The following UBN1 variants were observed in gnomAD, a reference collection of about 807,000 sequenced individuals.
UBN1 encodes the protein ubinuclein 1.
Under a neutral mutation model 108.5 loss-of-function variants are expected in UBN1, and 17 were observed. The observed-to-expected ratio is 0.16, with a 90% CI of 0.11 to 0.24. UBN1 has a LOEUF of 0.24. Ranked by LOEUF, UBN1 falls within the 10% of genes least tolerant of loss-of-function variation. The pLI is 1.00. For missense variants in UBN1, 1,595 were observed against 1,394.4 expected, an observed-to-expected ratio of 1.14 and a Z score of -2.29; for synonymous variants, 726 against 564.2, an observed-to-expected ratio of 1.29 and a Z score of -4.07.
intron 7 of UBN1, among the ~76,000 whole-genome samples, chr16:4,862,314 A>G (rs2087105573): frequency 6.6e-6 from 1 of 152,232 alleles, no homozygotes; most frequent in Non-Finnish European, 1.5e-5. Flanking sequence ...ACCATATACA[A>G]AGCAAATAAA....
chr16:4,874,313 G>C lies in UBN1; in HGVS notation c.1903G>C (p.Gly635Arg). 6.2e-7 allele frequency: 1 copy of C among 1,614,104 alleles called. No individual in the cohort carries two copies. Among genetic ancestry groups the C allele is most frequent in the Non-Finnish European group, 8.5e-7 (1 of 1,180,036 alleles). The stretch of plus-strand genomic sequence containing the variant: ...TCACCAAACAGGAGGCCTGAGTATT[G>C]GGGCCTCGAGCAGGGAGCTCCCATC... ...SDHQTGGLSI[G>R]ASSRELPSQA... is the part of the protein sequence containing the mutation. Residue 635 changes from glycine to arginine, a missense_variant, in exon 15 of 18, where the codon GGG (glycine) becomes CGG (arginine). By Grantham distance (125) the Gly-to-Arg change is moderately radical. Around this residue, in one of 3 missense-constraint regions of UBN1, gnomAD observed 1,398 missense variants for 1,194.7 expected, o/e 1.17. Transcript: ENST00000262376.
intron 1 of UBN1, chr16:4,852,403 G>A (rs951144785): frequency 1.3e-5 from 2 of 154,736 alleles, no homozygotes; most frequent in Non-Finnish European, 2.9e-5. Flanking sequence ...TGAGTCACTG[G>A]TTCTTTACTA....
intron 1 of UBN1, among the ~76,000 whole-genome samples, chr16:4,850,966 T>C (rs182710174): frequency 6.3e-4 from 96 of 152,330 alleles, no homozygotes; most frequent in Non-Finnish European, 1.1e-3. Context: ...TATGAAACTT[T>C]ACAAAACAGT....
rs761729065 is a variant in UBN1 at position 4,868,923 on chromosome 16, CTG to C, written c.1181+22_1181+23del. On this transcript the variant is annotated intron_variant, in intron 8 of 17. Transcript: ENST00000262376. ...ATTAGAGTGAGTATCGTCTGTCTGT[CTG>C]TCTGTCTGTCTGTTTCTGCTATTAC... The C allele has an allele frequency of 9.2e-5, 149 of 1,612,330 alleles. No homozygotes were observed. The highest frequency in any genetic ancestry group is 9.3e-6 in the Non-Finnish European group (11 of 1,179,056).
At chr16:4,849,965 A>AAAAAAAAAAC (rs2086475092) in intron 1 of UBN1, among the ~76,000 whole-genome samples, 2 of 149,204 alleles carry the variant, frequency 1.3e-5, no homozygotes, top group South Asian at 2.1e-4. Context: ...AAAAAAAAAA[A>AAAAAAAAAAC]ACCACAAAAA....
At chr16:4,861,383 G>A (rs952996765) in intron 7 of UBN1, among the ~76,000 whole-genome samples, 2 of 152,138 alleles carry the variant, frequency 1.3e-5, no homozygotes, top group East Asian at 1.9e-4. Context: ...TTTTCCACAC[G>A]GCATCTTTTC....
Position 4,878,864 on chromosome 16 carries a change from TAGTC to T in UBN1, c.3356-1216_3356-1213del, listed in dbSNP as rs374869118. On this transcript the variant is annotated intron_variant, in intron 17 of 17. Transcript: ENST00000262376. ...TATCTCTACATTTAAAGAAAAAAAT[TAGTC>T]AGGTGTGGTGGCATGTGCCTGTAGT... Among the ~76,000 whole-genome samples, 64 of 152,152 alleles carry T rather than the reference TAGTC, an allele frequency of 4.2e-4. 1 individual carries two copies. The East Asian group carries it at 0.01, about 24-fold the overall frequency.
chr16:4,876,947 T>C lies in UBN1; in HGVS notation c.3101T>C (p.Leu1034Pro), dbSNP rs1473173093. The C allele has an allele frequency of 1.2e-6, 2 of 1,614,106 alleles. No individual in the cohort carries two copies. The highest frequency in any genetic ancestry group is 2.2e-5 in the South Asian group (2 of 91,090). The change falls in exon 16 of 18, where the codon CTG (leucine) becomes CCG (proline). Residue 1034 changes from leucine (L) to proline (P), a missense_variant. By Grantham distance (98) the Leu-to-Pro change is moderately conservative. Transcript: ENST00000262376. ...CCCTACAAATCCAGCAGCCCAAAGCTGTCTGGGGCCATGAGCTCGAACTCC... is the reference window on the plus strand; with the variant it reads ...CCCTACAAATCCAGCAGCCCAAAGCCGTCTGGGGCCATGAGCTCGAACTCC... ...ASPYKSSSPK[L>P]SGAMSSNSLG...
chr16:4,860,994 T>C lies in UBN1; in HGVS notation c.1002T>C (p.Asp334=), dbSNP rs1418849677. The C allele has an allele frequency of 1.2e-6, 2 of 1,614,246 alleles. No individual in the cohort carries two copies. Among genetic ancestry groups the C allele is most frequent in the East Asian group, 2.2e-5 (1 of 44,878 alleles). Residue 334 remains aspartate, a synonymous_variant, in exon 7 of 18, where the codon GAT becomes GAC. Transcript: ENST00000262376. ...PEGSPFRDMD[D]GSDSLGVGLD... is the part of the protein sequence containing the mutation. ...GAAGTCCCTTCCGAGATATGGATGA[T>C]GGAAGTGATTCCCTTGGGGTGGGAT... is the stretch of plus-strand genomic sequence containing the variant.
At chr16:4,857,021 C>T (rs780996430) in intron 2 of UBN1, among the ~76,000 whole-genome samples, 10 of 152,108 alleles carry the variant, frequency 6.6e-5, no homozygotes, top group Non-Finnish European at 7.4e-5. Flanking sequence ...AAACATACTT[C>T]GTACAGGAGT....
At chr16:4,875,586 T>C (rs759831477) in intron 15 of UBN1, 152 bp downstream of exon 15, 3 of 1,197,114 alleles carry the variant, frequency 2.5e-6, no homozygotes, top group Admixed American at 2.5e-5. Context: ...CTGGGCTCCC[T>C]GTTCTCAGGT....
Position 4,874,489 on chromosome 16 carries a change from C to T in UBN1, c.2079C>T (p.Phe693=). The change falls in exon 15 of 18, where the codon TTC becomes TTT. Residue 693 remains phenylalanine (F), a synonymous_variant. Coordinates refer to ENST00000262376, the MANE Select transcript of UBN1 (RefSeq NM_001079514.3). ...LNSRAAGNSE[F]TLPAPSKAPA... is the part of the protein sequence containing the mutation. Reference sequence around the variant, plus strand: ...GCAGAGCAGCTGGGAACTCTGAATTCACACTGCCTGCACCCTCAAAAGCAC... The same window carrying T: ...GCAGAGCAGCTGGGAACTCTGAATTTACACTGCCTGCACCCTCAAAAGCAC... 2 of 1,614,244 alleles carry T rather than the reference C, an allele frequency of 1.2e-6. No homozygotes were observed. Among genetic ancestry groups the T allele is most frequent in the African/African-American group, 1.3e-5 (1 of 75,056 alleles).
At chr16:4,855,917 C>A (rs942737087) in intron 2 of UBN1, among the ~76,000 whole-genome samples, 2 of 152,020 alleles carry the variant, frequency 1.3e-5, no homozygotes, top group African/African-American at 4.8e-5. Flanking sequence ...TCCATCTCCC[C>A]CTACCAAAAA....
Position 4,871,201 on chromosome 16 carries a change from C to T in UBN1, c.1606C>T (p.Leu536=). ...GAAGATCAAACTGGAGAGCCAGGACCTGGAGAGGAACAACAAAGCCCAGGC... is the reference window on the plus strand; with the variant it reads ...GAAGATCAAACTGGAGAGCCAGGACTTGGAGAGGAACAACAAAGCCCAGGC... ...VVKIKLESQD[L]ERNNKAQAWE... The change falls in exon 12 of 18, where the codon CTG becomes TTG. Residue 536 remains leucine (L), a synonymous_variant. Coordinates refer to ENST00000262376, the MANE Select transcript of UBN1 (RefSeq NM_001079514.3). The T allele has an allele frequency of 3.1e-6, 5 of 1,614,216 alleles. No homozygotes were observed. The highest frequency in any genetic ancestry group is 4.2e-6 in the Non-Finnish European group (5 of 1,180,042).
rs2087832269 is a variant in UBN1 at position 4,875,424 on chromosome 16, C to T, written c.3014C>T (p.Thr1005Ile). 4 of 1,609,090 alleles carry T rather than the reference C, an allele frequency of 2.5e-6. No individual in the cohort carries two copies. The highest frequency in any genetic ancestry group is 2.6e-6 in the Non-Finnish European group (3 of 1,176,442). ...GCAGTTAGTAGTGTGACATCGTCTACCTCCTTGTCAGTGAGTATCTGTCAT... is the reference window on the plus strand; with the variant it reads ...GCAGTTAGTAGTGTGACATCGTCTATCTCCTTGTCAGTGAGTATCTGTCAT... Reference protein sequence around the residue: ...PSAVSSVTSSTSLSKGASGTV... With the variant: ...PSAVSSVTSSISLSKGASGTV... The change falls in exon 15 of 18, where the codon ACC (threonine) becomes ATC (isoleucine). Residue 1005 changes from threonine (T) to isoleucine (I), a missense_variant. By Grantham distance (89) the Thr-to-Ile change is moderately conservative. Transcript: ENST00000262376.
intron 17 of UBN1, 130 bp from the exon 18 acceptor site, chr16:4,879,953 A>C: frequency 2.1e-6 from 2 of 939,136 alleles, no homozygotes; most frequent in Non-Finnish European, 1.7e-6. Context: ...GGCTTGTTTG[A>C]GCTCTAGAAC....
chr16:4,848,664 T>C (rs2086344470), intron 1 of UBN1, among the ~76,000 whole-genome samples: 1 of 152,276 alleles, frequency 6.6e-6, no homozygotes, highest in Non-Finnish European at 1.5e-5. Flanking sequence ...TGTCATTTAC[T>C]GCGTGTGTAT....
At chr16:4,849,394 G>A (rs765145628) in intron 1 of UBN1, among the ~76,000 whole-genome samples, 1 of 151,848 alleles carries the variant, frequency 6.6e-6, no homozygotes, top group South Asian at 2.1e-4. Context: ...TTCAGGAAGG[G>A]TACTCATTAT....
intron 7 of UBN1, among the ~76,000 whole-genome samples, chr16:4,865,165 C>T (rs573256772): frequency 1.3e-5 from 2 of 151,790 alleles, no homozygotes; most frequent in Non-Finnish European, 2.9e-5. Flanking sequence ...TTTTGGAAGA[C>T]TATCAGATAT....
Sources: gnomAD v4.1 joint callset for allele counts (sites outside exome capture counted in the v4.1 genomes callset) on GRCh38, gnomAD v4.1.1 for gene constraint, gnomAD v4.1.1 regional missense constraint, MANE v1.5 for transcripts, NCBI Gene and HGNC (gene_info 2026-07-23, HGNC 2026-07-21) for gene names.